DOCK3: variants seen among roughly 807,000 people sequenced by gnomAD.
The protein encoded by DOCK3 is dedicator of cytokinesis 3.
Under a neutral mutation model 265.6 loss-of-function variants are expected in DOCK3, and 60 were observed. That is an observed-to-expected ratio of 0.23 (90% CI 0.18 to 0.28). The LOEUF (loss-of-function observed/expected upper bound fraction) is 0.28, where lower values mean the gene tolerates loss of function less well. Among genes scored for constraint, DOCK3 ranks in the 10% least tolerant of loss-of-function variants. The pLI is 1.00. For missense variants in DOCK3, 1,981 were observed against 2,594.3 expected (o/e 0.76, Z 5.14); for synonymous variants, 881 against 938.0 (o/e 0.94, Z 1.11).
chr3:50,966,366 AT>A (rs1392309588), intron 5 of DOCK3, among the ~76,000 whole-genome samples: 5 of 151,688 alleles, frequency 3.3e-5, no homozygotes, highest in Non-Finnish European at 5.9e-5. Context: ...TTCTGTTTTA[AT>A]TTTTTTGAGG....
chr3:50,948,245 C>T (rs1273820822), intron 5 of DOCK3, among the ~76,000 whole-genome samples: 4 of 150,760 alleles, frequency 2.7e-5, no homozygotes, highest in African/African-American at 7.3e-5. Flanking sequence ...TTAGTAGAGA[C>T]GGGGTTTCAC....
At chr3:51,378,709 C>T (rs12491048) in intron 51 of DOCK3, among the ~76,000 whole-genome samples, 5,448 of 152,288 alleles carry the variant, frequency 0.036, 698 homozygotes, top group East Asian at 0.33. Flanking sequence ...CAGAGTGGCA[C>T]CCTCAGACCC....
chr3:51,259,477 G>A (rs1412014015), intron 22 of DOCK3, among the ~76,000 whole-genome samples: 1 of 152,068 alleles, frequency 6.6e-6, no homozygotes, highest in Admixed American at 6.6e-5. Flanking sequence ...TGGGCCAAGC[G>A]TCAGGAACTC....
chr3:50,877,375 C>T (rs2047755767), intron 3 of DOCK3: 1 of 510,280 alleles, frequency 2.0e-6, no homozygotes, highest in African/African-American at 1.9e-5. Flanking sequence ...CATCATAATC[C>T]AGTTATGGTC....
intron 1 of DOCK3, among the ~76,000 whole-genome samples, chr3:50,704,342 G>C (rs968598581): frequency 6.6e-6 from 1 of 151,986 alleles, no homozygotes; most frequent in Non-Finnish European, 1.5e-5. Flanking sequence ...TTTCTCTCTA[G>C]GTGGTCTGTC....
chr3:51,303,303 G>A (rs557242412), intron 27 of DOCK3, among the ~76,000 whole-genome samples: 1 of 152,240 alleles, frequency 6.6e-6, no homozygotes, highest in African/African-American at 2.4e-5. Flanking sequence ...CTGGTTAACA[G>A]CTCCTGTAAT....
intron 21 of DOCK3, among the ~76,000 whole-genome samples, chr3:51,239,303 G>C (rs746977076): frequency 2.0e-5 from 3 of 151,906 alleles, no homozygotes; most frequent in Non-Finnish European, 4.4e-5. Flanking sequence ...TGCGCCTCCT[G>C]GGTTCAAGCG....
intron 9 of DOCK3, among the ~76,000 whole-genome samples, chr3:51,105,573 A>ATATATATAG (rs2083250345): frequency 6.6e-6 from 1 of 152,250 alleles, no homozygotes; most frequent in Non-Finnish European, 1.5e-5. Context: ...TATATAATGG[A>ATATATATAG]ATACTACTTA....
intron 41 of DOCK3, among the ~76,000 whole-genome samples, chr3:51,355,859 A>G (rs1022899518): frequency 2.6e-5 from 4 of 152,160 alleles, no homozygotes; most frequent in African/African-American, 9.7e-5. Context: ...ACCTTGGCTG[A>G]GTGCTCATGA....
rs541305412 is a variant in DOCK3, at chr3:51,307,476, A to T, written c.2923-2756A>T. ...CAGTCACTAAAGTCTCCATGCAGTT[A>T]GTTAATGATCAGCTAATAACTGAAC... is the stretch of plus-strand genomic sequence containing the variant. On this transcript the variant is annotated intron_variant, in intron 27 of 52. Transcript: ENST00000266037. 3.3e-5 allele frequency among the ~76,000 whole-genome samples: 5 copies of T among 152,346 alleles called. No homozygotes were observed. In the South Asian group the frequency reaches 1.0e-3, roughly 32 times the overall value.
chr3:50,759,519 C>G (rs575751837), intron 1 of DOCK3, among the ~76,000 whole-genome samples: 3 of 152,016 alleles, frequency 2.0e-5, no homozygotes, highest in Non-Finnish European at 4.4e-5. Context: ...GCAAAAATGC[C>G]TACTCAAGTC....
intron 5 of DOCK3, among the ~76,000 whole-genome samples, chr3:50,977,656 T>C (rs571465370): frequency 6.6e-6 from 1 of 152,246 alleles, no homozygotes; most frequent in East Asian, 1.9e-4. Flanking sequence ...ATCTTTGTGG[T>C]GGTCTCTGTA....
chr3:51,165,275 T>C (rs769592438), intron 12 of DOCK3, among the ~76,000 whole-genome samples: 6 of 152,198 alleles, frequency 3.9e-5, no homozygotes, highest in Non-Finnish European at 7.3e-5. Flanking sequence ...TGAAGGCCCA[T>C]TGGGCCATCC....
At chr3:51,309,700 G>A (rs2082951979) in intron 27 of DOCK3, among the ~76,000 whole-genome samples, 1 of 152,172 alleles carries the variant, frequency 6.6e-6, no homozygotes, top group Admixed American at 6.5e-5. Context: ...CATTTTTCTT[G>A]AGTAAACATT....
intron 12 of DOCK3, among the ~76,000 whole-genome samples, chr3:51,173,073 G>A (rs1328763876): frequency 1.3e-5 from 2 of 152,086 alleles, no homozygotes; most frequent in Non-Finnish European, 2.9e-5. Context: ...TATCATCACA[G>A]TATTCTGATT....
intron 10 of DOCK3, among the ~76,000 whole-genome samples, chr3:51,155,475 G>A (rs1366390279): frequency 6.6e-6 from 1 of 152,178 alleles, no homozygotes; most frequent in Non-Finnish European, 1.5e-5. Context: ...TTCCTAGATT[G>A]ATGTGTGTGC....
At chr3:51,302,786 C>G (rs1396175772) in intron 27 of DOCK3, among the ~76,000 whole-genome samples, 4 of 152,174 alleles carry the variant, frequency 2.6e-5, no homozygotes, top group Non-Finnish European at 5.9e-5. Flanking sequence ...GCTGAAAGGT[C>G]TGCTGTTAGT....
chr3:51,335,500 T>C (rs2084800656), intron 35 of DOCK3, among the ~76,000 whole-genome samples: 1 of 152,238 alleles, frequency 6.6e-6, no homozygotes, highest in South Asian at 2.1e-4. Context: ...TCATTTGTCA[T>C]TCTGTCTTAC....
chr3:50,824,333 T>C (rs2044635934), intron 2 of DOCK3, among the ~76,000 whole-genome samples: 1 of 152,228 alleles, frequency 6.6e-6, no homozygotes. Context: ...AGTAATAGAC[T>C]GTGGGCTATT....
Sources: allele counts gnomAD v4.1 joint callset (sites outside exome capture counted in the v4.1 genomes callset), GRCh38; gene constraint gnomAD v4.1.1; transcripts MANE v1.5; gene names NCBI Gene and HGNC (gene_info 2026-07-23, HGNC 2026-07-21).